CRMP1: variants seen among roughly 807,000 people sequenced by gnomAD.
CRMP1 encodes dihydropyrimidinase-related protein 1.
A neutral mutation model predicts 68.3 loss-of-function variants in CRMP1; 19 were observed. The ratio of observed to expected loss-of-function variants is 0.28; its 90% CI spans 0.19 to 0.41. The LOEUF (loss-of-function observed/expected upper bound fraction) is 0.41, where lower values mean the gene tolerates loss of function less well. CRMP1 is among the 10% of genes least tolerant of loss of function. The pLI is 1.00. For missense variants in CRMP1, 791 were observed against 967.4 expected (o/e 0.82, Z 2.42); for synonymous variants, 439 against 399.6 (o/e 1.10, Z -1.18).
In CRMP1 at chr4:5,893,082, A is replaced by C; in HGVS notation, c.-113T>G. On this transcript the variant is annotated 5_prime_UTR_variant, in exon 1 of 14. Transcript: ENST00000324989. ...GCGGGCCTGCGGCGGCCCGGGCGCGACTGCGGCCCAGGGAGGGGAGGGGCG... is the reference window on the plus strand; with the variant it reads ...GCGGGCCTGCGGCGGCCCGGGCGCGCCTGCGGCCCAGGGAGGGGAGGGGCG... 1 of 713,872 alleles carries C rather than the reference A, an allele frequency of 1.4e-6. No individual in the cohort carries two copies. The highest frequency in any genetic ancestry group is 1.7e-6 in the Non-Finnish European group (1 of 583,700). 44.2% of individuals were successfully genotyped at this position (713,872 alleles called of 1,614,324 possible). A position where few individuals can be genotyped will look rare whatever the true frequency, so the allele number is the denominator to read the frequency against.
At position 5,865,437 on chromosome 4, in the gene CRMP1, T is replaced by C. The variant is rs368141329; in HGVS notation, c.470+1231A>G. On this transcript the variant is annotated intron_variant, in intron 2 of 13. Coordinates refer to ENST00000324989, the MANE Select transcript of CRMP1 (RefSeq NM_001014809.3). The surrounding 1 kb of genome is among the most constrained non-coding windows in gnomAD (Gnocchi z 4.1). Reference sequence around the variant, plus strand: ...GAGATCGAGACCATCCTGGCCAACATGGTGAAACCCCCGTCTCTACTAAAA... The same window carrying C: ...GAGATCGAGACCATCCTGGCCAACACGGTGAAACCCCCGTCTCTACTAAAA... Among the ~76,000 whole-genome samples, 8 of 151,846 alleles carry C rather than the reference T, an allele frequency of 5.3e-5. No homozygotes were observed. The highest frequency in any genetic ancestry group is 1.9e-4 in the African/African-American group (8 of 41,320).
Position 5,872,377 on chromosome 4 carries a change from C to T in CRMP1, c.382-5621G>A, listed in dbSNP as rs1240368724. On this transcript the variant is annotated intron_variant, in intron 1 of 13. Coordinates refer to ENST00000324989, the MANE Select transcript of CRMP1 (RefSeq NM_001014809.3). The surrounding 1 kb of genome is among the most constrained non-coding windows in gnomAD (Gnocchi z 4.6). ...CAGCAGATGTGAACAATGGTACGCTCTGCACAAACATTATTATGTATAACC... is the reference window on the plus strand; with the variant it reads ...CAGCAGATGTGAACAATGGTACGCTTTGCACAAACATTATTATGTATAACC... Among the ~76,000 whole-genome samples the T allele has an allele frequency of 2.6e-5, 4 of 152,210 alleles. No homozygotes were observed. Among genetic ancestry groups the T allele is most frequent in the African/African-American group, 9.6e-5 (4 of 41,456 alleles).
chr4:5,856,856 C>CT (rs1560505580), intron 3 of CRMP1, among the ~76,000 whole-genome samples: 44 of 106,218 alleles, frequency 4.1e-4, no homozygotes, highest in African/African-American at 1.3e-3. Context: ...ATCATTGTCA[C>CT]CCCACCATCA....
At chr4:5,824,045 A>C (rs1719128591) in intron 13 of CRMP1, among the ~76,000 whole-genome samples, 1 of 152,212 alleles carries the variant, frequency 6.6e-6, no homozygotes, top group Non-Finnish European at 1.5e-5. Flanking sequence ...TGAAACTGAG[A>C]GAACAAGGGT....
chr4:5,856,120 C>A (rs1459892128), intron 4 of CRMP1, 23 bp downstream of exon 4: 2 of 1,612,028 alleles, frequency 1.2e-6, no homozygotes. Flanking sequence ...TCCCCAAAAC[C>A]CCGTTCCGAG....
chr4:5,839,790 GAACA>G, intron 8 of CRMP1, 112 bp from the exon 9 acceptor site: 1 of 1,242,522 alleles, frequency 8.0e-7, no homozygotes, highest in Non-Finnish European at 1.1e-6. Context: ...CTGAAGGCCA[GAACA>G]CTGGCCACCG....
Position 5,868,279 on chromosome 4 carries a change from A to ATCTATATC in CRMP1, c.382-1524_382-1523insGATATAGA, listed in dbSNP as rs1222628235. On this transcript the variant is annotated intron_variant, in intron 1 of 13. Transcript: ENST00000324989. ...TATATATCTATATATATATATATATATATATATATATATATATATATATAC... is the reference window on the plus strand; with the variant it reads ...TATATATCTATATATATATATATATATCTATATCTATATATATATATATATATATATAC... Among the ~76,000 whole-genome samples, 29 of 86,858 alleles carry ATCTATATC rather than the reference A, an allele frequency of 3.3e-4. 2 individuals carry two copies. The highest frequency in any genetic ancestry group is 1.2e-3 in the African/African-American group (22 of 17,920). 57.0% of individuals were successfully genotyped at this position (86,858 alleles called of 152,430 possible).
rs1577805007 is a variant in CRMP1, at chr4:5,858,980, T to C, written c.655+2046A>G. On this transcript the variant is annotated intron_variant, in intron 3 of 13. Transcript: ENST00000324989. The surrounding 1 kb of genome is among the most constrained non-coding windows in gnomAD (Gnocchi z 5.5). The stretch of plus-strand genomic sequence containing the variant: ...AATTCCAACTCATCCTTCAGATCCC[T>C]GTACGAATGTCACTTCTTCAGAGAA... Among the ~76,000 whole-genome samples, 1 of 152,258 alleles carries C rather than the reference T, an allele frequency of 6.6e-6. No individual in the cohort carries two copies. Among genetic ancestry groups the C allele is most frequent in the Non-Finnish European group, 1.5e-5 (1 of 68,044 alleles).
rs966792075 is a variant in CRMP1 at position 5,861,841 on chromosome 4, T to A, written c.471-631A>T. 1.3e-5 allele frequency among the ~76,000 whole-genome samples: 2 copies of A among 152,130 alleles called. No individual in the cohort carries two copies. Among genetic ancestry groups the A allele is most frequent in the African/African-American group, 4.8e-5 (2 of 41,422 alleles). On this transcript the variant is annotated intron_variant, in intron 2 of 13. Coordinates refer to ENST00000324989, the MANE Select transcript of CRMP1 (RefSeq NM_001014809.3). The surrounding 1 kb of genome is among the most constrained non-coding windows in gnomAD (Gnocchi z 6.0). ...ACCATGAGATCTGACTGTGGGTGATTTTTATTCTAAAAAAAATCCAATTGT... is the reference window on the plus strand; with the variant it reads ...ACCATGAGATCTGACTGTGGGTGATATTTATTCTAAAAAAAATCCAATTGT...
chr4:5,884,783 C>G (rs1451834391), intron 1 of CRMP1, among the ~76,000 whole-genome samples: 2 of 152,096 alleles, frequency 1.3e-5, no homozygotes, highest in East Asian at 1.9e-4. Flanking sequence ...ACCCCGTCAT[C>G]ATCATGGTGG....
At chr4:5,837,887 G>A (rs912287809) in intron 9 of CRMP1, among the ~76,000 whole-genome samples, 36 of 152,040 alleles carry the variant, frequency 2.4e-4, no homozygotes, top group Non-Finnish European at 1.3e-4. Context: ...ACAATTTAAG[G>A]AATGGGGACT....
chr4:5,889,107 C>T lies in CRMP1; in HGVS notation c.381+3482G>A, dbSNP rs188134455. On this transcript the variant is annotated intron_variant, in intron 1 of 13. Coordinates refer to ENST00000324989, the MANE Select transcript of CRMP1 (RefSeq NM_001014809.3). This position sits in a 1 kb window ranked among gnomAD's most constrained non-coding sequence, Gnocchi z 4.5. Reference sequence around the variant, plus strand: ...CCCATCTCCAATGCCTTCCCCACCACGAAGCCTCTCCCTGCCACCCTCTCC... The same window carrying T: ...CCCATCTCCAATGCCTTCCCCACCATGAAGCCTCTCCCTGCCACCCTCTCC... Among the ~76,000 whole-genome samples, 5 of 152,260 alleles carry T rather than the reference C, an allele frequency of 3.3e-5. No homozygotes were observed. The highest frequency in any genetic ancestry group is 1.2e-4 in the African/African-American group (5 of 41,562).
In CRMP1 at chr4:5,835,978, A is replaced by C. The variant is rs1720699157; in HGVS notation, c.1560T>G (p.Asp520Glu). Residue 520 changes from aspartate (D) to glutamate (E), a missense_variant, in exon 11 of 14, where the codon GAT becomes GAG. Around this residue, in one of 3 missense-constraint regions of CRMP1, gnomAD observed 594 missense variants for 763.6 expected, o/e 0.78. Transcript: ENST00000324989. ...CGGGGTCCCAGATGACCACGTCGGC[A>C]TCCGAGCCCACGGCAATCCGCCCTT... ...PRKGRIAVGS[D>E]ADVVIWDPDK... 14 of 1,601,096 alleles carry C rather than the reference A, an allele frequency of 8.7e-6. No homozygotes were observed. Among genetic ancestry groups the C allele is most frequent in the Non-Finnish European group, 1.2e-5 (14 of 1,173,566 alleles).
chr4:5,836,620 G>A (rs2240494), intron 10 of CRMP1, 145 bp downstream of exon 10: 248,443 of 1,131,214 alleles, frequency 0.22, 28,242 homozygotes, highest in African/African-American at 0.29. Flanking sequence ...CAAGTTATGC[G>A]TTCCCTCCTG....
chr4:5,866,792 G>A lies in CRMP1; in HGVS notation c.382-36C>T. On this transcript the variant is annotated intron_variant, in intron 1 of 13. Transcript: ENST00000324989. This position sits in a 1 kb window ranked among gnomAD's most constrained non-coding sequence, Gnocchi z 5.9. ...AGGCAAAGTATTAAGGATCCTTGGT[G>A]AAAAGCCAGGATAAAGTTTTTTCTT... The A allele has an allele frequency of 4.2e-6, 6 of 1,441,078 alleles. No individual in the cohort carries two copies. Among genetic ancestry groups the A allele is most frequent in the Non-Finnish European group, 5.7e-6 (6 of 1,052,652 alleles). 89.3% of individuals were successfully genotyped at this position (1,441,078 alleles called of 1,614,324 possible).
Position 5,866,601 on chromosome 4 carries a change from T to TGTTC in CRMP1, c.470+63_470+66dup. The TGTTC allele has an allele frequency of 8.6e-7, 1 of 1,156,550 alleles. No individual in the cohort carries two copies. Among genetic ancestry groups the TGTTC allele is most frequent in the Non-Finnish European group, 1.3e-6 (1 of 777,408 alleles). The allele number at this position is 1,156,550 out of a possible 1,614,324, so 71.6% of individuals were successfully genotyped here. On this transcript the variant is annotated intron_variant, in intron 2 of 13. Coordinates refer to ENST00000324989, the MANE Select transcript of CRMP1 (RefSeq NM_001014809.3). This position sits in a 1 kb window ranked among gnomAD's most constrained non-coding sequence, Gnocchi z 5.9. ...ATTCTAGGACAGAATGCCAGCCTTC[T>TGTTC]GTTCCATCTAAGGCCAGGCAGCCTG...
In CRMP1 at chr4:5,866,070, T is replaced by C. The variant is rs1476033932; in HGVS notation, c.470+598A>G. 6.6e-6 allele frequency among the ~76,000 whole-genome samples: 1 copy of C among 152,152 alleles called. No homozygotes were observed. The highest frequency in any genetic ancestry group is 1.5e-5 in the Non-Finnish European group (1 of 68,024). ...AAGCCACCCAGCCTGTGGCATTCCA[T>C]TCCGGCAGCCAGCGCTGGCTAAGAC... On this transcript the variant is annotated intron_variant, in intron 2 of 13. Transcript: ENST00000324989. The surrounding 1 kb of genome is among the most constrained non-coding windows in gnomAD (Gnocchi z 5.9).
At chr4:5,873,019 G>A (rs1486520160) in intron 1 of CRMP1, among the ~76,000 whole-genome samples, 1 of 152,218 alleles carries the variant, frequency 6.6e-6, no homozygotes, top group African/African-American at 2.4e-5. Flanking sequence ...AGGCCTGGCA[G>A]GTGAAGAGCT....
intron 6 of CRMP1, among the ~76,000 whole-genome samples, chr4:5,846,753 G>A (rs920836090): frequency 1.6e-4 from 21 of 128,770 alleles, no homozygotes; most frequent in Non-Finnish European, 2.5e-4. Flanking sequence ...ACCATGCCCG[G>A]CTAATTTTTT....
Sources: allele counts gnomAD v4.1 joint callset (sites outside exome capture counted in the v4.1 genomes callset), GRCh38; gene constraint gnomAD v4.1.1; regional missense constraint gnomAD v4.1.1; non-coding constraint Gnocchi (gnomAD v3.1); transcripts MANE v1.5; gene names NCBI Gene and HGNC (gene_info 2026-07-23, HGNC 2026-07-21).